RNF19A: variants seen among roughly 807,000 people sequenced by gnomAD.
The protein encoded by RNF19A is E3 ubiquitin-protein ligase RNF19A.
In RNF19A, 32 loss-of-function variants were observed where a neutral mutation model predicts 75.7. That is an observed-to-expected ratio of 0.42 (90% CI 0.32 to 0.57). The LOEUF (loss-of-function observed/expected upper bound fraction) is 0.57, where lower values mean the gene tolerates loss of function less well. RNF19A is among the 20% of genes least tolerant of loss of function. RNF19A has a pLI of 0.10. For synonymous variants in RNF19A, 335 were observed against 345.2 expected (o/e 0.97, Z 0.33); for missense variants, 782 against 1,036.3 (o/e 0.75, Z 3.37).
chr8:100,313,310 G>A, upstream of RNF19A: 6 of 984,250 alleles, frequency 6.1e-6, no homozygotes, highest in African/African-American at 1.7e-5. Context: ...AGAAACCAAA[G>A]AGGCTGTAAC....
rs1822481947 is a variant in RNF19A at position 100,322,962 on chromosome 8, T to C, written c.-242-9590A>G. On this transcript the variant is annotated intron_variant, in intron 1 of 3. Transcript: ENST00000519527. The surrounding 1 kb of genome is among the most constrained non-coding windows in gnomAD (Gnocchi z 5.1). ...TTACAGATCACCATAACAGATATAA[T>C]AATAACTTAAAAGTTTGAAATATTG... Among the ~76,000 whole-genome samples, 1 of 152,106 alleles carries C rather than the reference T, an allele frequency of 6.6e-6. No individual in the cohort carries two copies. Among genetic ancestry groups the C allele is most frequent in the African/African-American group, 2.4e-5 (1 of 41,404 alleles).
chr8:100,273,847 A>G (rs1820373871), intron 3 of RNF19A, among the ~76,000 whole-genome samples: 1 of 152,120 alleles, frequency 6.6e-6, no homozygotes, highest in Non-Finnish European at 1.5e-5. Context: ...CAGTGGCACA[A>G]TCTCGGCTCA....
rs889071998 is a variant in RNF19A at position 100,323,574 on chromosome 8, G to A, written c.-242-10202C>T. The stretch of plus-strand genomic sequence containing the variant: ...CCAAAAACAATTCTGTTTCTAGTAC[G>A]GCTCCAGTTTTTAAAATTTCATCTA... On this transcript the variant is annotated intron_variant, in intron 1 of 3. Transcript: ENST00000519527. This position sits in a 1 kb window ranked among gnomAD's most constrained non-coding sequence, Gnocchi z 4.6. Among the ~76,000 whole-genome samples, 21 of 152,164 alleles carry A rather than the reference G, an allele frequency of 1.4e-4. No homozygotes were observed. Among genetic ancestry groups the A allele is most frequent in the Middle Eastern group, 3.2e-3 (1 of 316 alleles).
Position 100,268,700 on chromosome 8 carries a change from A to C in RNF19A, c.1191+85T>G, listed in dbSNP as rs1238046794. 3.2e-5 allele frequency: 27 copies of C among 855,728 alleles called. No homozygotes were observed. In the Middle Eastern group the frequency reaches 7.8e-4, roughly 25 times the overall value. The allele number at this position is 855,728 out of a possible 1,614,324, so 53.0% of individuals were successfully genotyped here. A position where few individuals can be genotyped will look rare whatever the true frequency, so the allele number is the denominator to read the frequency against. On this transcript the variant is annotated intron_variant, in intron 5 of 9. Transcript: ENST00000341084. ...CCTTTGTCTAAAAAAAAAAAAAAAAAAAAACCCAAAAATCATCAATACTAA... is the reference window on the plus strand; with the variant it reads ...CCTTTGTCTAAAAAAAAAAAAAAAACAAAACCCAAAAATCATCAATACTAA...
intron 2 of RNF19A, among the ~76,000 whole-genome samples, chr8:100,285,571 G>C (rs1820977969): frequency 6.6e-6 from 1 of 151,938 alleles, no homozygotes; most frequent in South Asian, 2.1e-4. Context: ...TGAATTTACT[G>C]TCTTAATATC....
Position 100,287,457 on chromosome 8 carries a change from G to A in RNF19A, c.674+44C>T. ...GTAATAGCAAATTATTTTATCCACA[G>A]AGAAAAAAATTAACTCAAGAAAAAT... On this transcript the variant is annotated intron_variant, in intron 2 of 9. Coordinates refer to ENST00000341084, the MANE Select transcript of RNF19A (RefSeq NM_183419.4). This position sits in a 1 kb window ranked among gnomAD's most constrained non-coding sequence, Gnocchi z 4.1. The A allele has an allele frequency of 6.5e-7, 1 of 1,529,182 alleles. No homozygotes were observed. The highest frequency in any genetic ancestry group is 2.3e-5 in the East Asian group (1 of 44,322). 94.7% of individuals were successfully genotyped at this position (1,529,182 alleles called of 1,614,324 possible).
intron 1 of RNF19A, among the ~76,000 whole-genome samples, chr8:100,335,473 T>C (rs1822667185): frequency 6.6e-6 from 1 of 152,146 alleles, no homozygotes; most frequent in African/African-American, 2.4e-5. Context: ...GAAAATGAGA[T>C]TGAATTGAGA....
chr8:100,303,936 C>G (rs938872321), intron 1 of RNF19A, among the ~76,000 whole-genome samples: 11 of 151,336 alleles, frequency 7.3e-5, no homozygotes, highest in Admixed American at 7.2e-4. Context: ...AACTCTGTCT[C>G]CAAAAAAAAG....
rs1437614842 is a variant in RNF19A, at chr8:100,258,493, A to C, written c.*63T>G. Reference sequence around the variant, plus strand: ...GGTAACCTGAAACTTAAGTAGTCACATGTAGTTCAACCAGCTCCAAACACG... The same window carrying C: ...GGTAACCTGAAACTTAAGTAGTCACCTGTAGTTCAACCAGCTCCAAACACG... On this transcript the variant is annotated 3_prime_UTR_variant, in exon 10 of 10. Coordinates refer to ENST00000341084, the MANE Select transcript of RNF19A (RefSeq NM_183419.4). This position sits in a 1 kb window ranked among gnomAD's most constrained non-coding sequence, Gnocchi z 4.3. The C allele has an allele frequency of 6.7e-6, 9 of 1,334,694 alleles. No homozygotes were observed. The highest frequency in any genetic ancestry group is 9.3e-6 in the Non-Finnish European group (9 of 962,598). 82.7% of individuals were successfully genotyped at this position (1,334,694 alleles called of 1,614,324 possible). A position where few individuals can be genotyped will look rare whatever the true frequency, so the allele number is the denominator to read the frequency against.
At chr8:100,321,537 A>C (rs1242676482) in intron 1 of RNF19A, among the ~76,000 whole-genome samples, 1 of 152,182 alleles carries the variant, frequency 6.6e-6, no homozygotes, top group Non-Finnish European at 1.5e-5. Flanking sequence ...TGAGAGTTGG[A>C]GTCAACTTCT....
Position 100,329,910 on chromosome 8 carries a change from A to T in RNF19A, c.-243+6198T>A, listed in dbSNP as rs1822588327. Among the ~76,000 whole-genome samples, 2 of 152,260 alleles carry T rather than the reference A, an allele frequency of 1.3e-5. No individual in the cohort carries two copies. The highest frequency in any genetic ancestry group is 1.3e-4 in the Admixed American group (2 of 15,290). On this transcript the variant is annotated intron_variant, in intron 1 of 3. Transcript: ENST00000519527. The surrounding 1 kb of genome is among the most constrained non-coding windows in gnomAD (Gnocchi z 4.3). Reference sequence around the variant, plus strand: ...TCATGTATCCCATACATTTGCACAAATGAAAAATTTAAATACTTTCCAAAA... The same window carrying T: ...TCATGTATCCCATACATTTGCACAATTGAAAAATTTAAATACTTTCCAAAA...
In RNF19A at chr8:100,329,448, C is replaced by CA. The variant is rs1382146277; in HGVS notation, c.-243+6659dup. Among the ~76,000 whole-genome samples, 1 of 151,474 alleles carries CA rather than the reference C, an allele frequency of 6.6e-6. No homozygotes were observed. Among genetic ancestry groups the CA allele is most frequent in the Non-Finnish European group, 1.5e-5 (1 of 67,942 alleles). On this transcript the variant is annotated intron_variant, in intron 1 of 3. Coordinates refer to the RNF19A transcript ENST00000519527. This position sits in a 1 kb window ranked among gnomAD's most constrained non-coding sequence, Gnocchi z 4.3. ...GCTGCAAAAACAAAACAAAACAAAA[C>CA]AAACAAACAAACAAAAAAAGTCAGT...
intron 1 of RNF19A, among the ~76,000 whole-genome samples, chr8:100,303,761 T>C (rs1316031583): frequency 1.1e-5 from 1 of 94,358 alleles, no homozygotes; most frequent in Non-Finnish European, 2.2e-5. Context: ...TCGCCGCTTG[T>C]AAAAAAAAAA....
chr8:100,305,800 G>A (rs549318904), intron 1 of RNF19A, among the ~76,000 whole-genome samples: 1 of 152,246 alleles, frequency 6.6e-6, no homozygotes, highest in South Asian at 2.1e-4. Context: ...ATTTCACATA[G>A]TCTCATTTGT....
At chr8:100,276,723 C>CAAAAAAAAAAA (rs60419107) in intron 2 of RNF19A, among the ~76,000 whole-genome samples, 4 of 80,584 alleles carry the variant, frequency 5.0e-5, no homozygotes, top group Non-Finnish European at 8.4e-5. Flanking sequence ...ACCACTGTAC[C>CAAAAAAAAAAA]AAAAAAAAAA....
intron 2 of RNF19A, among the ~76,000 whole-genome samples, chr8:100,277,935 G>A (rs1018569741): frequency 3.9e-5 from 6 of 152,210 alleles, no homozygotes; most frequent in Admixed American, 2.0e-4. Context: ...GGAAAGAGGA[G>A]GGGCAGAATG....
chr8:100,306,405 A>G (rs1226256895), intron 1 of RNF19A, among the ~76,000 whole-genome samples: 1 of 152,162 alleles, frequency 6.6e-6, no homozygotes, highest in African/African-American at 2.4e-5. Context: ...TTCTTTAGTA[A>G]ATGATTTATA....
At chr8:100,334,952 A>C (rs906448049) in intron 1 of RNF19A, among the ~76,000 whole-genome samples, 3 of 152,238 alleles carry the variant, frequency 2.0e-5, no homozygotes, top group Non-Finnish European at 4.4e-5. Flanking sequence ...ATAGACCAGC[A>C]CTAGGGTTAA....
chr8:100,258,532 AAT>A lies in RNF19A; in HGVS notation c.*22_*23del. On this transcript the variant is annotated 3_prime_UTR_variant, in exon 10 of 10. Coordinates refer to ENST00000341084, the MANE Select transcript of RNF19A (RefSeq NM_183419.4). The surrounding 1 kb of genome is among the most constrained non-coding windows in gnomAD (Gnocchi z 4.3). The stretch of plus-strand genomic sequence containing the variant: ...GCTCCAAACACGGTTGTACAGTGGT[AAT>A]TATTCTGCAGCATTTATGGGCCTAA... 6.4e-7 allele frequency: 1 copy of A among 1,565,986 alleles called. No individual in the cohort carries two copies. The highest frequency in any genetic ancestry group is 8.7e-7 in the Non-Finnish European group (1 of 1,148,966).
Sources: gnomAD v4.1 joint callset for allele counts (sites outside exome capture counted in the v4.1 genomes callset) on GRCh38, gnomAD v4.1.1 for gene constraint, Gnocchi (gnomAD v3.1) non-coding constraint, MANE v1.5 for transcripts, NCBI Gene and HGNC (gene_info 2026-07-23, HGNC 2026-07-21) for gene names.